CA13: variants seen among roughly 807,000 people sequenced by gnomAD.
CA13 encodes CA-XIII.
Under a neutral mutation model 31.5 loss-of-function variants are expected in CA13, and 21 were observed. The observed-to-expected ratio is 0.67, with a 90% confidence interval of 0.47 to 0.96. The LOEUF is 0.96. Ranked by LOEUF, CA13 falls within the 40% of genes least tolerant of loss-of-function variation. The probability of loss-of-function intolerance (pLI) is 0.00; values close to 1 mark genes in which losing one functional copy is unlikely to be tolerated. For missense variants in CA13, 315 were observed against 318.9 expected (o/e 0.99, Z 0.09); for synonymous variants, 117 against 111.4 (o/e 1.05, Z -0.32).
chr8:85,251,021 G>C (rs1171039456), intron 2 of CA13, 84 bp downstream of exon 2: 50 of 887,734 alleles, frequency 5.6e-5, no homozygotes, highest in Non-Finnish European at 7.7e-5. Context: ...TTTTTTTTTT[G>C]AGACAGAGTC....
intron 6 of CA13, among the ~76,000 whole-genome samples, chr8:85,278,663 G>C (rs976395033): frequency 3.3e-5 from 5 of 152,206 alleles, no homozygotes; most frequent in African/African-American, 9.6e-5. Context: ...GCTTTGGTCG[G>C]AGAATGGATG....
intron 1 of CA13, among the ~76,000 whole-genome samples, chr8:85,248,411 C>T (rs1385582219): frequency 6.7e-6 from 1 of 149,768 alleles, no homozygotes; most frequent in Non-Finnish European, 1.5e-5. Context: ...GAGCGGAGAT[C>T]ACGCCATTGC....
At chr8:85,251,258 T>A (rs7011001) in intron 2 of CA13, among the ~76,000 whole-genome samples, 92,872 of 151,748 alleles carry the variant, frequency 0.61, 28,917 homozygotes, top group Non-Finnish European at 0.65. Context: ...TGCCTCGGCC[T>A]CCCAAAGTGC....
At chr8:85,254,772 G>T (rs376170512) in intron 2 of CA13, among the ~76,000 whole-genome samples, 38 of 122,624 alleles carry the variant, frequency 3.1e-4, no homozygotes, top group South Asian at 8.0e-4. Context: ...AGTTAAACAA[G>T]TTTTTTTTTT....
At chr8:85,257,886 C>T in intron 2 of CA13, among the ~76,000 whole-genome samples, 1 of 148,534 alleles carries the variant, frequency 6.7e-6, no homozygotes, top group East Asian at 2.0e-4. Flanking sequence ...CCTGCCTCAG[C>T]CTCCCAAAGT....
chr8:85,264,449 T>C (rs1807428361), intron 3 of CA13, among the ~76,000 whole-genome samples: 1 of 152,186 alleles, frequency 6.6e-6, no homozygotes, highest in Non-Finnish European at 1.5e-5. Flanking sequence ...GCTTTTTTTT[T>C]GTTTTAATTA....
intron 3 of CA13, among the ~76,000 whole-genome samples, chr8:85,263,150 G>C (rs553768142): frequency 6.6e-6 from 1 of 152,282 alleles, no homozygotes; most frequent in East Asian, 1.9e-4. Flanking sequence ...TAAGGCAGGA[G>C]TGAGGCTGGC....
Position 85,245,591 on chromosome 8 carries a change from C to T in CA13, c.-238C>T. On this transcript the variant is annotated 5_prime_UTR_variant, in exon 1 of 7. Transcript: ENST00000321764. The stretch of plus-strand genomic sequence containing the variant: ...AACTCAAATCTCTCATTCCCGAGTC[C>T]AAACTAAGAGAGACTCGCGCCCCAG... 1.8e-6 allele frequency: 1 copy of T among 547,666 alleles called. No homozygotes were observed. Among genetic ancestry groups the T allele is most frequent in the South Asian group, 2.2e-5 (1 of 45,694 alleles). The allele number at this position is 547,666 out of a possible 1,614,324, so 33.9% of individuals were successfully genotyped here.
chr8:85,262,121 A>C (rs7813429), intron 3 of CA13, among the ~76,000 whole-genome samples: 116 of 126,276 alleles, frequency 9.2e-4, no homozygotes, highest in East Asian at 1.6e-3. Flanking sequence ...GCAGTGGCTC[A>C]TGCCTGTAAT....
In CA13 at chr8:85,250,779, G is replaced by A. The variant is rs747534525; in HGVS notation, c.77G>A (p.Gly26Asp). 3 of 1,613,114 alleles carry A rather than the reference G, an allele frequency of 1.9e-6. No homozygotes were observed. Among genetic ancestry groups the A allele is most frequent in the East Asian group, 2.2e-5 (1 of 44,866 alleles). ...HWKEFFPIADGDQQSPIEIKT... is the reference protein window; with the variant it reads ...HWKEFFPIADDDQQSPIEIKT... ...AAGGAATTTTTCCCTATTGCTGATG[G>A]TGATCAGCAATCTCCAATTGAGATT... The change falls in exon 2 of 7, where the codon GGT becomes GAT. Residue 26 changes from glycine to aspartate, a missense_variant. Physicochemically the swap from Gly to Asp is moderately conservative, Grantham distance 94. Coordinates refer to ENST00000321764, the MANE Select transcript of CA13 (RefSeq NM_198584.3).
chr8:85,256,953 C>T (rs534192103), intron 2 of CA13, among the ~76,000 whole-genome samples: 20 of 152,290 alleles, frequency 1.3e-4, no homozygotes, highest in Non-Finnish European at 2.4e-4. Context: ...TTCTCTCTCT[C>T]TCTCCCTCTC....
In CA13 at chr8:85,250,888, C is replaced by A; in HGVS notation, c.186C>A (p.Asn62Lys). The A allele has an allele frequency of 1.2e-6, 2 of 1,614,056 alleles. No individual in the cohort carries two copies. The highest frequency in any genetic ancestry group is 1.7e-6 in the Non-Finnish European group (2 of 1,180,024). Residue 62 changes from asparagine (N) to lysine (K), a missense_variant, in exon 2 of 7, where the codon AAC becomes AAA. Coordinates refer to ENST00000321764, the MANE Select transcript of CA13 (RefSeq NM_198584.3). ...YDPSSAKIIS[N>K]SGHSFNVDFD... ...CAAGCTCAGCTAAAATCATCAGCAA[C>A]AGCGGCCATTCCTTCAATGTTGACT... is the stretch of plus-strand genomic sequence containing the variant.
intron 4 of CA13, chr8:85,267,183 C>A: frequency 1.1e-6 from 1 of 923,744 alleles, no homozygotes; most frequent in Non-Finnish European, 1.3e-6. Flanking sequence ...ACAGGTTGGG[C>A]TTCTCACCTC....
chr8:85,247,087 G>A (rs1466842803), intron 1 of CA13, among the ~76,000 whole-genome samples: 1 of 152,124 alleles, frequency 6.6e-6, no homozygotes, highest in Non-Finnish European at 1.5e-5. Context: ...AATAAAAGGT[G>A]TATAGTCAGA....
intron 6 of CA13, among the ~76,000 whole-genome samples, chr8:85,277,060 C>T (rs936204927): frequency 1.3e-5 from 2 of 152,196 alleles, no homozygotes; most frequent in African/African-American, 4.8e-5. Context: ...GACCACTCGG[C>T]TCTCTGTAAA....
intron 6 of CA13, 23 bp from the exon 7 acceptor site, chr8:85,281,207 C>T (rs995411572): frequency 1.9e-6 from 3 of 1,606,902 alleles, no homozygotes; most frequent in Middle Eastern, 3.3e-4. Flanking sequence ...TATGCTGAAG[C>T]TAACTCTTTT....
chr8:85,265,912 C>T (rs990213633), intron 3 of CA13, among the ~76,000 whole-genome samples: 2 of 152,276 alleles, frequency 1.3e-5, no homozygotes, highest in African/African-American at 4.8e-5. Flanking sequence ...CTTAAAATGA[C>T]AGGTAGTAAA....
chr8:85,250,212 A>G (rs1813802603), intron 1 of CA13, among the ~76,000 whole-genome samples: 1 of 152,224 alleles, frequency 6.6e-6, no homozygotes, highest in African/African-American at 2.4e-5. Context: ...TGCACATCAC[A>G]GGTAATTGAG....
chr8:85,246,014 C>A, intron 1 of CA13, 149 bp downstream of exon 1: 2 of 895,578 alleles, frequency 2.2e-6, no homozygotes, highest in Non-Finnish European at 1.8e-6. Flanking sequence ...TCCTGGGAGC[C>A]CAGTGCGAGA....
Sources: gnomAD v4.1 joint callset for allele counts (sites outside exome capture counted in the v4.1 genomes callset) on GRCh38, gnomAD v4.1.1 for gene constraint, MANE v1.5 for transcripts, NCBI Gene and HGNC (gene_info 2026-07-23, HGNC 2026-07-21) for gene names.